The following KIF15 variants were observed in gnomAD, a reference collection of about 807,000 sequenced individuals.
KIF15 encodes kinesin family member 15, also known as kinesin-like protein KIF15.
A neutral mutation model predicts 190.6 loss-of-function variants in KIF15; 140 were observed. That is an observed-to-expected ratio of 0.73 (90% CI 0.64 to 0.84). The LOEUF (loss-of-function observed/expected upper bound fraction) is 0.84, where lower values mean the gene tolerates loss of function less well. KIF15 is among the 40% of genes least tolerant of loss of function. KIF15 has a pLI of 0.00. For synonymous variants in KIF15, 528 were observed against 551.3 expected, an observed-to-expected ratio of 0.96 and a Z score of 0.59; for missense variants, 1,372 against 1,584.4, an observed-to-expected ratio of 0.87 and a Z score of 2.28.
At position 44,813,231 on chromosome 3, in the gene KIF15, A is replaced by G. The variant is rs368442133; in HGVS notation, c.2383+51A>G. ...TGACTTGAAGGAATACTGTAACTCA[A>G]TATCTTTTTACTTTTATTAATAAAT... is the stretch of plus-strand genomic sequence containing the variant. On this transcript the variant is annotated intron_variant, in intron 19 of 34. Transcript: ENST00000326047. 1.1e-4 allele frequency: 107 copies of G among 997,562 alleles called. 1 individual carries two copies. Among genetic ancestry groups the G allele is most frequent in the South Asian group, 1.0e-3 (71 of 69,172 alleles). The allele number at this position is 997,562 out of a possible 1,614,324, so 61.8% of individuals were successfully genotyped here.
At chr3:44,768,578 C>T (rs955464125) in intron 1 of KIF15, among the ~76,000 whole-genome samples, 2 of 152,142 alleles carry the variant, frequency 1.3e-5, no homozygotes, top group Non-Finnish European at 2.9e-5. Flanking sequence ...ATTTTCCTTA[C>T]TGCGCATGTG....
intron 32 of KIF15, among the ~76,000 whole-genome samples, chr3:44,851,099 C>T (rs888828428): frequency 5.9e-5 from 9 of 152,102 alleles, no homozygotes; most frequent in Non-Finnish European, 1.0e-4. Context: ...TCCATCTCTA[C>T]GGATAATTTT....
At chr3:44,796,330 A>G (rs1386459152) in intron 8 of KIF15, among the ~76,000 whole-genome samples, 1 of 152,148 alleles carries the variant, frequency 6.6e-6, no homozygotes, top group African/African-American at 2.4e-5. Flanking sequence ...CTGTGCTCCA[A>G]CCTGGGTGAC....
At chr3:44,813,814 C>T (rs944784190) in intron 19 of KIF15, among the ~76,000 whole-genome samples, 1 of 151,976 alleles carries the variant, frequency 6.6e-6, no homozygotes, top group African/African-American at 2.4e-5. Flanking sequence ...GACACGGTTT[C>T]GCCATGTTGG....
At chr3:44,791,412 G>A (rs1258935232) in intron 7 of KIF15, among the ~76,000 whole-genome samples, 1 of 152,066 alleles carries the variant, frequency 6.6e-6, no homozygotes, top group African/African-American at 2.4e-5. Flanking sequence ...CTCCAACACT[G>A]TTCTTTTTAA....
In KIF15 at chr3:44,822,085, G is replaced by T. The variant is rs117556570; in HGVS notation, c.2550-3954G>T. ...CTGAGATGTCAGCAGTACCGATGCA[G>T]TTTCTTCCTAGCGTCGATGGTCTTT... is the stretch of plus-strand genomic sequence containing the variant. On this transcript the variant is annotated intron_variant, in intron 20 of 34. Coordinates refer to ENST00000326047, the MANE Select transcript of KIF15 (RefSeq NM_020242.3). Among the ~76,000 whole-genome samples, 115 of 152,358 alleles carry T rather than the reference G, an allele frequency of 7.5e-4. 3 individuals carry two copies. In the East Asian group the frequency reaches 0.022, roughly 29 times the overall value.
intron 22 of KIF15, 66 bp from the exon 23 acceptor site, chr3:44,827,393 C>T (rs1697724576): frequency 3.5e-6 from 4 of 1,131,498 alleles, no homozygotes; most frequent in Non-Finnish European, 5.3e-6. Flanking sequence ...CTATTCTGTA[C>T]TAACAGATTC....
chr3:44,817,574 A>T (rs1164921098), intron 20 of KIF15, among the ~76,000 whole-genome samples: 1 of 151,698 alleles, frequency 6.6e-6, no homozygotes, highest in Non-Finnish European at 1.5e-5. Context: ...TATTTCTGAG[A>T]CCTATGTTCT....
chr3:44,829,777 A>G lies in KIF15; in HGVS notation c.2944-194A>G, dbSNP rs535146269. Among the ~76,000 whole-genome samples the G allele has an allele frequency of 1.7e-4, 24 of 140,110 alleles. No homozygotes were observed. The East Asian group carries it at 2.4e-3, about 14-fold the overall frequency. 91.9% of individuals were successfully genotyped at this position (140,110 alleles called of 152,430 possible). A position where few individuals can be genotyped will look rare whatever the true frequency, so the allele number is the denominator to read the frequency against. Reference sequence around the variant, plus strand: ...ATAGATGTATATATATTATAGATGTATATATATAATATATGCATATATAAT... The same window carrying G: ...ATAGATGTATATATATTATAGATGTGTATATATAATATATGCATATATAAT... On this transcript the variant is annotated intron_variant, in intron 24 of 34. Coordinates refer to ENST00000326047, the MANE Select transcript of KIF15 (RefSeq NM_020242.3).
chr3:44,863,593 G>T (rs904877552), intron 6 of KIF15: 2 of 152,598 alleles, frequency 1.3e-5, no homozygotes, highest in African/African-American at 4.8e-5. Context: ...CTTTAGGAAG[G>T]TTACTTAATG....
chr3:44,849,885 C>T (rs1473511760), intron 32 of KIF15, among the ~76,000 whole-genome samples: 1 of 152,080 alleles, frequency 6.6e-6, no homozygotes, highest in African/African-American at 2.4e-5. Flanking sequence ...AATTATTATA[C>T]TTAGGGAAAA....
In KIF15 at chr3:44,852,286, C is replaced by T. The variant is rs142822497; in HGVS notation, c.4051C>T (p.Gln1351Ter). 1.9e-6 allele frequency: 3 copies of T among 1,613,252 alleles called. No homozygotes were observed. The highest frequency in any genetic ancestry group is 2.2e-5 in the South Asian group (2 of 91,000). ...GTTGGTAGGTCACCAAAATTTGCAT[C>T]AGAAGATTCAGTACGTAGTGCGACT... ...GKLVGHQNLH[Q>*]KIQYVVRLKK... The change falls in exon 34 of 35, where the codon CAG becomes TAG. Residue 1351 changes from glutamine to a stop codon, truncating the protein, a stop_gained. Transcript: ENST00000326047. LOFTEE classifies it high-confidence loss of function.
chr3:44,819,684 A>G (rs1159073007), intron 20 of KIF15, among the ~76,000 whole-genome samples: 2 of 152,136 alleles, frequency 1.3e-5, no homozygotes, highest in Non-Finnish European at 2.9e-5. Flanking sequence ...CAATTTTGGA[A>G]TAAGTGCGAT....
intron 1 of KIF15, among the ~76,000 whole-genome samples, chr3:44,771,282 G>T (rs1705629326): frequency 6.6e-6 from 1 of 152,132 alleles, no homozygotes; most frequent in African/African-American, 2.4e-5. Flanking sequence ...GATAATTTCT[G>T]ATGGCCTGGG....
At chr3:44,860,842 ATTTT>A (rs140980322) in intron 6 of KIF15, among the ~76,000 whole-genome samples, 1 of 152,162 alleles carries the variant, frequency 6.6e-6, no homozygotes, top group Non-Finnish European at 1.5e-5. Flanking sequence ...ATATTCTATA[ATTTT>A]TTTAACATTT....
At chr3:44,812,044 G>C in intron 17 of KIF15, 138 bp from the exon 18 acceptor site, 1 of 626,792 alleles carries the variant, frequency 1.6e-6, no homozygotes, top group South Asian at 2.0e-5. Flanking sequence ...CTCCAAACAG[G>C]CCTTTGATAC....
chr3:44,761,821 G>C lies in KIF15; in HGVS notation c.-45G>C, dbSNP rs1559513714. The C allele has an allele frequency of 1.9e-6, 3 of 1,613,984 alleles. No individual in the cohort carries two copies. Among genetic ancestry groups the C allele is most frequent in the Admixed American group, 3.3e-5 (2 of 60,026 alleles). On this transcript the variant is annotated 5_prime_UTR_variant, in exon 1 of 35. Coordinates refer to ENST00000326047, the MANE Select transcript of KIF15 (RefSeq NM_020242.3). ...TCGCGCGCGGTGCAGTCGGGAGGTG[G>C]AGGCACCGGCTGCATTGTTTTCGGG...
intron 7 of KIF15, among the ~76,000 whole-genome samples, chr3:44,792,544 C>T (rs1706760013): frequency 6.6e-6 from 1 of 150,812 alleles, no homozygotes; most frequent in Non-Finnish European, 1.5e-5. Flanking sequence ...ATAACAGCTA[C>T]GAATTTTTTT....
chr3:44,802,912 T>C lies in KIF15; in HGVS notation c.1608T>C (p.Ala536=). The change falls in exon 14 of 35, where the codon GCT becomes GCC. Residue 536 remains alanine (A), a synonymous_variant. Transcript: ENST00000326047. The part of the protein sequence containing the change: ...RLRLLEPVKR[A]QEMDAQTIAK... ...GATTATTAGAGCCTGTGAAAAGAGCTCAAGAAATGGATGCCCAGACCATTG... is the reference window on the plus strand; with the variant it reads ...GATTATTAGAGCCTGTGAAAAGAGCCCAAGAAATGGATGCCCAGACCATTG... 3 of 1,612,510 alleles carry C rather than the reference T, an allele frequency of 1.9e-6. No homozygotes were observed. Among genetic ancestry groups the C allele is most frequent in the Non-Finnish European group, 2.5e-6 (3 of 1,179,666 alleles).
Sources: gnomAD v4.1 joint callset for allele counts (sites outside exome capture counted in the v4.1 genomes callset) on GRCh38, gnomAD v4.1.1 for gene constraint, MANE v1.5 for transcripts, NCBI Gene and HGNC (gene_info 2026-07-23, HGNC 2026-07-21) for gene names.